The following SMIM28 variants were observed in gnomAD, a reference collection of about 807,000 sequenced individuals.
SMIM28 encodes small integral membrane protein 28.
intron 1 of SMIM28, among the ~76,000 whole-genome samples, chr6:138,381,807 G>T (rs1026549020): frequency 6.6e-6 from 1 of 152,088 alleles, no homozygotes; most frequent in Non-Finnish European, 1.5e-5. Flanking sequence ...ATCATAATTG[G>T]TCTCATTCTA....
In SMIM28 at chr6:138,382,612, G is replaced by A. The variant is rs1236280664; in HGVS notation, c.224G>A (p.Arg75His). The A allele has an allele frequency of 4.0e-5, 16 of 398,584 alleles. No homozygotes were observed. The highest frequency in any genetic ancestry group is 7.1e-5 in the East Asian group (2 of 28,066). The allele number at this position is 398,584 out of a possible 1,614,324, so 24.7% of individuals were successfully genotyped here. A position where few individuals can be genotyped will look rare whatever the true frequency, so the allele number is the denominator to read the frequency against. ...LAFLLLFLYR[R>H]CKSPPPQGQV... is the part of the protein sequence containing the mutation. ...TTTCTGCTGCTGTTCCTGTACCGCC[G>A]CTGCAAGTCCCCACCGCCCCAGGGG... is the stretch of plus-strand genomic sequence containing the variant. Residue 75 changes from arginine to histidine, a missense_variant, in exon 2 of 2, where the codon CGC (arginine) becomes CAC (histidine). Transcript: ENST00000573100.
At chr6:138,380,623 C>G (rs112375101) in intron 1 of SMIM28, among the ~76,000 whole-genome samples, 5,378 of 151,900 alleles carry the variant, frequency 0.035, 137 homozygotes, top group Non-Finnish European at 0.055. Context: ...AAAAATTAGC[C>G]GGGTGTGGTG....
intron 1 of SMIM28, among the ~76,000 whole-genome samples, chr6:138,381,870 G>A (rs766116115): frequency 3.3e-5 from 5 of 152,048 alleles, no homozygotes; most frequent in African/African-American, 4.8e-5. Context: ...AATGAACAGC[G>A]GACCTACTAA....
chr6:138,382,415 A>C (rs908063482), intron 1 of SMIM28, 85 bp from the exon 2 acceptor site: 1 of 354,590 alleles, frequency 2.8e-6, no homozygotes, highest in African/African-American at 2.6e-5. Context: ...AAAAAAAAAA[A>C]AAGAAAGAAA....
chr6:138,382,559 G>T lies in SMIM28; in HGVS notation c.171G>T (p.Leu57=). The T allele has an allele frequency of 2.5e-6, 1 of 398,894 alleles. No homozygotes were observed. The highest frequency in any genetic ancestry group is 4.4e-6 in the Non-Finnish European group (1 of 226,468). The allele number at this position is 398,894 out of a possible 1,614,324, so 24.7% of individuals were successfully genotyped here. The change falls in exon 2 of 2, where the codon CTG becomes CTT. Residue 57 remains leucine (L), a synonymous_variant. Coordinates refer to ENST00000573100, the MANE Select transcript of SMIM28 (RefSeq NM_001368163.3). ...EDVEPFLCIL[L]PATILLFLAF... is the part of the protein sequence containing the mutation. Reference sequence around the variant, plus strand: ...TGGAGCCCTTCCTGTGCATCCTTCTGCCGGCCACCATCCTGCTCTTCCTGG... The same window carrying T: ...TGGAGCCCTTCCTGTGCATCCTTCTTCCGGCCACCATCCTGCTCTTCCTGG...
At chr6:138,381,551 A>G (rs1055442930) in intron 1 of SMIM28, among the ~76,000 whole-genome samples, 1 of 152,216 alleles carries the variant, frequency 6.6e-6, no homozygotes, top group African/African-American at 2.4e-5. Context: ...AGGTTGCCCA[A>G]GAATTTATCT....
chr6:138,382,788 G>C lies in SMIM28; in HGVS notation c.400G>C (p.Glu134Gln). 2.5e-6 allele frequency: 1 copy of C among 398,600 alleles called. No homozygotes were observed. The highest frequency in any genetic ancestry group is 4.4e-6 in the Non-Finnish European group (1 of 226,116). The allele number at this position is 398,600 out of a possible 1,614,324, so 24.7% of individuals were successfully genotyped here. A position where few individuals can be genotyped will look rare whatever the true frequency, so the allele number is the denominator to read the frequency against. The change falls in exon 2 of 2, where the codon GAA (glutamate) becomes CAA (glutamine). Residue 134 changes from glutamate to glutamine, a missense_variant. Glu to Gln is a conservative substitution (Grantham distance 29). Transcript: ENST00000573100. ...LPSQCLPPSY[E>Q]EATRNPPGEE... Reference sequence around the variant, plus strand: ...CTCCCAGTGTTTACCGCCCTCCTACGAAGAGGCCACCAGAAATCCTCCTGG... The same window carrying C: ...CTCCCAGTGTTTACCGCCCTCCTACCAAGAGGCCACCAGAAATCCTCCTGG...
chr6:138,378,250 T>C (rs147024447), intron 1 of SMIM28, 67 bp downstream of exon 1: 13,368 of 397,948 alleles, frequency 0.034, 301 homozygotes, highest in Non-Finnish European at 0.047. Context: ...ATCCATAATA[T>C]CTATGGTTTT....
At chr6:138,381,645 A>G (rs913132701) in intron 1 of SMIM28, among the ~76,000 whole-genome samples, 1 of 152,236 alleles carries the variant, frequency 6.6e-6, no homozygotes, top group African/African-American at 2.4e-5. Flanking sequence ...AATTTAAAAA[A>G]TCTCATTCAT....
At position 138,382,538 on chromosome 6, in the gene SMIM28, G is replaced by A; in HGVS notation, c.150G>A (p.Glu50=). 2.5e-6 allele frequency: 1 copy of A among 398,150 alleles called. No individual in the cohort carries two copies. The highest frequency in any genetic ancestry group is 3.6e-5 in the East Asian group (1 of 28,046). The allele number at this position is 398,150 out of a possible 1,614,324, so 24.7% of individuals were successfully genotyped here. ...QGVSSTQEDV[E]PFLCILLPAT... is the part of the protein sequence containing the mutation. Reference sequence around the variant, plus strand: ...TGAGCTCCACCCAGGAGGATGTGGAGCCCTTCCTGTGCATCCTTCTGCCGG... The same window carrying A: ...TGAGCTCCACCCAGGAGGATGTGGAACCCTTCCTGTGCATCCTTCTGCCGG... Residue 50 remains glutamate (E), a synonymous_variant, in exon 2 of 2, where the codon GAG becomes GAA. Transcript: ENST00000573100.
chr6:138,383,428 A>G lies in SMIM28; in HGVS notation c.*581A>G, dbSNP rs781331434. Among the ~76,000 whole-genome samples, 2 of 152,250 alleles carry G rather than the reference A, an allele frequency of 1.3e-5. No homozygotes were observed. Among genetic ancestry groups the G allele is most frequent in the Non-Finnish European group, 1.5e-5 (1 of 68,052 alleles). On this transcript the variant is annotated 3_prime_UTR_variant, in exon 2 of 2. Transcript: ENST00000573100. Reference sequence around the variant, plus strand: ...GGTGAAATATATTACAATATTAGCAATGAAAGTATAGATATTCGCAAACAT... The same window carrying G: ...GGTGAAATATATTACAATATTAGCAGTGAAAGTATAGATATTCGCAAACAT...
chr6:138,380,364 C>T (rs1188070495), intron 1 of SMIM28, among the ~76,000 whole-genome samples: 1 of 152,142 alleles, frequency 6.6e-6, no homozygotes, highest in Non-Finnish European at 1.5e-5. Flanking sequence ...GACAAAATAT[C>T]TGGAAATATA....
Position 138,382,967 on chromosome 6 carries a change from G to C in SMIM28, c.*120G>C. Reference sequence around the variant, plus strand: ...GAGGGAGAAGGGCCCCTAGACCCAAGAAGCTGCTATTCATTGGCCAACCTC... The same window carrying C: ...GAGGGAGAAGGGCCCCTAGACCCAACAAGCTGCTATTCATTGGCCAACCTC... On this transcript the variant is annotated 3_prime_UTR_variant, in exon 2 of 2. Coordinates refer to ENST00000573100, the MANE Select transcript of SMIM28 (RefSeq NM_001368163.3). 1 of 396,866 alleles carries C rather than the reference G, an allele frequency of 2.5e-6. No homozygotes were observed. The highest frequency in any genetic ancestry group is 4.4e-6 in the Non-Finnish European group (1 of 225,548). 24.6% of individuals were successfully genotyped at this position (396,866 alleles called of 1,614,324 possible). A position where few individuals can be genotyped will look rare whatever the true frequency, so the allele number is the denominator to read the frequency against.
At chr6:138,380,154 C>A (rs532720622) in intron 1 of SMIM28, among the ~76,000 whole-genome samples, 3 of 152,086 alleles carry the variant, frequency 2.0e-5, no homozygotes, top group Admixed American at 1.3e-4. Flanking sequence ...CCCTTGAAAA[C>A]GGATGTTATT....
chr6:138,378,311 T>G, intron 1 of SMIM28, 128 bp downstream of exon 1: 1 of 395,692 alleles, frequency 2.5e-6, no homozygotes, highest in Non-Finnish European at 4.4e-6. Flanking sequence ...ATAACAAAAA[T>G]AGGAATTCAC....
At chr6:138,382,134 C>T (rs1340325081) in intron 1 of SMIM28, among the ~76,000 whole-genome samples, 4 of 152,018 alleles carry the variant, frequency 2.6e-5, no homozygotes, top group Non-Finnish European at 5.9e-5. Context: ...CTGTGGCTCA[C>T]GCCTGTAATC....
intron 1 of SMIM28, among the ~76,000 whole-genome samples, chr6:138,380,636 G>A (rs1038817429): frequency 1.3e-5 from 2 of 152,088 alleles, no homozygotes; most frequent in East Asian, 1.9e-4. Flanking sequence ...GTGTGGTGGC[G>A]GGTGCCTGTA....
intron 1 of SMIM28, among the ~76,000 whole-genome samples, chr6:138,380,894 GTTTT>G (rs1051422956): frequency 1.3e-5 from 2 of 151,270 alleles, no homozygotes; most frequent in African/African-American, 4.9e-5. Context: ...GTTTATGAGG[GTTTT>G]TTTTGTGTGT....
chr6:138,378,859 T>A (rs947942942), intron 1 of SMIM28, among the ~76,000 whole-genome samples: 1 of 152,026 alleles, frequency 6.6e-6, no homozygotes, highest in Non-Finnish European at 1.5e-5. Context: ...AACCAACTGG[T>A]GAGATTAGTA....
Sources: gnomAD v4.1 joint callset for allele counts (sites outside exome capture counted in the v4.1 genomes callset) on GRCh38, gnomAD v4.1.1 for gene constraint, MANE v1.5 for transcripts, NCBI Gene and HGNC (gene_info 2026-07-23, HGNC 2026-07-21) for gene names.